Variants in CMKLR1 observed in about 807,000 individuals in gnomAD.
The protein encoded by CMKLR1 is chemerin-like receptor 1.
A neutral mutation model predicts 8.2 loss-of-function variants in CMKLR1; 6 were observed. That is an observed-to-expected ratio of 0.73 (90% confidence interval 0.40 to 1.44). The LOEUF is 1.44. CMKLR1 is among the 40% of genes most tolerant of loss of function. The probability of loss-of-function intolerance (pLI) is 0.02; values close to 1 mark genes in which losing one functional copy is unlikely to be tolerated. For synonymous variants in CMKLR1, 178 were observed against 181.2 expected, an observed-to-expected ratio of 0.98 and a Z score of 0.14; for missense variants, 429 against 478.0, an observed-to-expected ratio of 0.90 and a Z score of 0.96.
At chr12:108,295,708 C>G (rs1891116331) in intron 2 of CMKLR1, among the ~76,000 whole-genome samples, 1 of 152,234 alleles carries the variant, frequency 6.6e-6, no homozygotes, top group East Asian at 1.9e-4. Context: ...CTCCCCATCT[C>G]TGACCTTCCC....
intron 2 of CMKLR1, among the ~76,000 whole-genome samples, chr12:108,306,921 T>C (rs566121519): frequency 6.6e-6 from 1 of 152,270 alleles, no homozygotes; most frequent in South Asian, 2.1e-4. Context: ...TTGATGGACA[T>C]CTGTCCTTCC....
chr12:108,329,484 G>A (rs1892054839), intron 2 of CMKLR1, among the ~76,000 whole-genome samples: 2 of 152,190 alleles, frequency 1.3e-5, no homozygotes, highest in Non-Finnish European at 2.9e-5. Flanking sequence ...CTTCCCCAGT[G>A]AAAGCTACCT....
intron 2 of CMKLR1, among the ~76,000 whole-genome samples, chr12:108,307,061 T>G (rs556159191): frequency 4.1e-4 from 63 of 152,112 alleles, no homozygotes; most frequent in African/African-American, 1.4e-3. Context: ...TGTAAACAAA[T>G]TTTCTCCCCT....
chr12:108,319,518 T>G (rs1231861361), intron 2 of CMKLR1, among the ~76,000 whole-genome samples: 22 of 152,222 alleles, frequency 1.4e-4, no homozygotes, highest in Non-Finnish European at 2.6e-4. Flanking sequence ...TTGCTTAAAT[T>G]CTTTCCTCAG....
intron 2 of CMKLR1, among the ~76,000 whole-genome samples, chr12:108,297,496 C>A (rs1325587768): frequency 6.6e-6 from 1 of 152,128 alleles, no homozygotes; most frequent in Non-Finnish European, 1.5e-5. Flanking sequence ...GTTCAAGGGT[C>A]CAGTGTACAT....
chr12:108,320,626 C>T (rs576046203), intron 2 of CMKLR1: 3 of 152,772 alleles, frequency 2.0e-5, no homozygotes, highest in East Asian at 3.9e-4. Context: ...TCCATGTCTC[C>T]TTCCGTGGGC....
At chr12:108,335,713 C>T (rs1892205196) in intron 1 of CMKLR1, among the ~76,000 whole-genome samples, 1 of 152,220 alleles carries the variant, frequency 6.6e-6, no homozygotes, top group African/African-American at 2.4e-5. Context: ...GTTGCAGTTT[C>T]CTGCCTGCCC....
intron 2 of CMKLR1, among the ~76,000 whole-genome samples, chr12:108,325,466 T>C (rs1426785376): frequency 1.3e-5 from 2 of 152,184 alleles, no homozygotes; most frequent in Non-Finnish European, 2.9e-5. Flanking sequence ...ACCCCTACTG[T>C]TATCAGCCCA....
chr12:108,300,831 T>C (rs1209845895), intron 2 of CMKLR1, among the ~76,000 whole-genome samples: 1 of 152,206 alleles, frequency 6.6e-6, no homozygotes, highest in Non-Finnish European at 1.5e-5. Context: ...TAATCATTAA[T>C]AAAGTACTTC....
intron 2 of CMKLR1, among the ~76,000 whole-genome samples, chr12:108,316,025 G>A (rs1891715230): frequency 6.6e-6 from 1 of 152,216 alleles, no homozygotes; most frequent in Admixed American, 6.5e-5. Flanking sequence ...ACAGCTCTAA[G>A]AGGAGGGGAT....
intron 2 of CMKLR1, among the ~76,000 whole-genome samples, chr12:108,309,536 C>CA (rs559833092): frequency 0.056 from 7,591 of 135,168 alleles, 557 homozygotes; most frequent in African/African-American, 0.18. Flanking sequence ...CCTCCATCTC[C>CA]AAAAAAAAAA....
At chr12:108,326,604 G>A (rs1404900249) in intron 2 of CMKLR1, among the ~76,000 whole-genome samples, 1 of 152,216 alleles carries the variant, frequency 6.6e-6, no homozygotes, top group Non-Finnish European at 1.5e-5. Flanking sequence ...GGAAATCACA[G>A]GGGAGGATTC....
At chr12:108,306,395 A>C (rs930725489) in intron 2 of CMKLR1, among the ~76,000 whole-genome samples, 3 of 152,116 alleles carry the variant, frequency 2.0e-5, no homozygotes, top group Middle Eastern at 3.4e-3. Context: ...TAATCACCTC[A>C]TTTGAGTGGG....
intron 2 of CMKLR1, among the ~76,000 whole-genome samples, chr12:108,317,436 C>T (rs1891761204): frequency 2.0e-5 from 3 of 152,118 alleles, no homozygotes; most frequent in South Asian, 4.1e-4. Context: ...GAGTGCATCA[C>T]GGTCATGAGG....
At chr12:108,307,971 A>C (rs1891451732) in intron 2 of CMKLR1, among the ~76,000 whole-genome samples, 1 of 152,216 alleles carries the variant, frequency 6.6e-6, no homozygotes, top group African/African-American at 2.4e-5. Flanking sequence ...CCAGTTGCCC[A>C]TTATTCTCAT....
At chr12:108,321,448 A>C (rs944268978) in intron 2 of CMKLR1, among the ~76,000 whole-genome samples, 1 of 152,138 alleles carries the variant, frequency 6.6e-6, no homozygotes, top group Admixed American at 6.5e-5. Flanking sequence ...AATAATAATA[A>C]ATAAATAATA....
intron 2 of CMKLR1, among the ~76,000 whole-genome samples, chr12:108,304,740 C>T (rs1463420367): frequency 6.6e-6 from 1 of 152,246 alleles, no homozygotes; most frequent in African/African-American, 2.4e-5. Context: ...CCCTCCCCCT[C>T]TGACAGGCTC....
At chr12:108,324,977 C>T (rs1891948565) in intron 2 of CMKLR1, among the ~76,000 whole-genome samples, 1 of 152,132 alleles carries the variant, frequency 6.6e-6, no homozygotes, top group South Asian at 2.1e-4. Context: ...TGGTTTTGCC[C>T]AAAGTTGCTG....
At chr12:108,306,034 T>C (rs1463739994) in intron 2 of CMKLR1, among the ~76,000 whole-genome samples, 1 of 152,212 alleles carries the variant, frequency 6.6e-6, no homozygotes, top group Non-Finnish European at 1.5e-5. Context: ...TCCTTGAGCC[T>C]TAAAAGCGTT....
Sources: allele counts gnomAD v4.1 joint callset (sites outside exome capture counted in the v4.1 genomes callset), GRCh38; gene constraint gnomAD v4.1.1; transcripts MANE v1.5; gene names NCBI Gene and HGNC (gene_info 2026-07-23, HGNC 2026-07-21).